Variants in ANKS1B observed in about 807,000 individuals in gnomAD.
The protein encoded by ANKS1B is ankyrin repeat and sterile alpha motif domain containing 1B.
In ANKS1B, 36 loss-of-function variants were observed where a neutral mutation model predicts 148.3. The observed-to-expected ratio is 0.24, with a 90% CI of 0.19 to 0.32. The LOEUF (loss-of-function observed/expected upper bound fraction) is 0.32, where lower values mean the gene tolerates loss of function less well. ANKS1B is among the 10% of genes least tolerant of loss of function. The pLI, the probability that ANKS1B is intolerant of heterozygous loss-of-function variation, is 1.00. For synonymous variants in ANKS1B, 542 were observed against 560.8 expected (o/e 0.97, Z 0.47); for missense variants, 1,157 against 1,542.6 (o/e 0.75, Z 4.19).
At chr12:98,893,576 G>A (rs2099757202) in intron 17 of ANKS1B, 1 of 152,142 alleles carries the variant, frequency 6.6e-6, no homozygotes, top group Non-Finnish European at 1.5e-5. Context: ...ACTATTTCCT[G>A]TAGTTTTCCC....
intron 1 of ANKS1B, among the ~76,000 whole-genome samples, chr12:99,972,366 T>C (rs926928040): frequency 6.6e-6 from 1 of 152,132 alleles, no homozygotes; most frequent in Non-Finnish European, 1.5e-5. Context: ...GAAAAGTTCA[T>C]GAAGGAAATG....
chr12:99,005,008 C>T (rs147229129), intron 17 of ANKS1B, among the ~76,000 whole-genome samples: 8 of 151,940 alleles, frequency 5.3e-5, no homozygotes, highest in Non-Finnish European at 1.0e-4. Flanking sequence ...GGAGAACATC[C>T]GGTGGGAGCA....
At chr12:99,690,066 T>G (rs1206664875) in intron 8 of ANKS1B, among the ~76,000 whole-genome samples, 1 of 152,156 alleles carries the variant, frequency 6.6e-6, no homozygotes, top group African/African-American at 2.4e-5. Context: ...AGCTGGCACT[T>G]TCTTCACAGG....
intron 1 of ANKS1B, among the ~76,000 whole-genome samples, chr12:99,843,032 T>C (rs1398623535): frequency 6.6e-6 from 1 of 152,170 alleles, no homozygotes; most frequent in East Asian, 1.9e-4. Flanking sequence ...ATGTGTTTTG[T>C]TGCTGTAGTT....
intron 9 of ANKS1B, chr12:99,648,630 G>T: frequency 1.2e-6 from 2 of 1,614,222 alleles, no homozygotes; most frequent in Non-Finnish European, 1.7e-6. Flanking sequence ...ATCTTCAGCT[G>T]TGTCCTCCAT....
At chr12:99,690,307 C>T (rs1158478389) in intron 8 of ANKS1B, among the ~76,000 whole-genome samples, 1 of 152,090 alleles carries the variant, frequency 6.6e-6, no homozygotes, top group East Asian at 1.9e-4. Context: ...CCCCTGGCCC[C>T]TCCCAAATCT....
intron 15 of ANKS1B, among the ~76,000 whole-genome samples, chr12:99,141,773 G>T: frequency 6.6e-6 from 1 of 151,874 alleles, no homozygotes; most frequent in Non-Finnish European, 1.5e-5. Flanking sequence ...ACCTTTTCAT[G>T]GCTGCATAGT....
intron 14 of ANKS1B, among the ~76,000 whole-genome samples, chr12:99,173,237 C>G (rs1157676568): frequency 6.6e-6 from 1 of 152,122 alleles, no homozygotes; most frequent in Non-Finnish European, 1.5e-5. Flanking sequence ...TATTTACCTT[C>G]TTGATAAAGT....
intron 8 of ANKS1B, among the ~76,000 whole-genome samples, chr12:99,756,479 A>T (rs754673548): frequency 6.6e-6 from 1 of 152,144 alleles, no homozygotes. Context: ...GGAAGAATCA[A>T]TATCGTGAAA....
chr12:99,307,298 C>G (rs2082487761), intron 12 of ANKS1B, among the ~76,000 whole-genome samples: 1 of 151,898 alleles, frequency 6.6e-6, no homozygotes, highest in African/African-American at 2.4e-5. Flanking sequence ...AAAATGTAGC[C>G]AGTATGCATA....
intron 9 of ANKS1B, among the ~76,000 whole-genome samples, chr12:99,572,973 CATT>C (rs2097476924): frequency 1.3e-5 from 2 of 151,908 alleles, no homozygotes; most frequent in South Asian, 2.1e-4. Flanking sequence ...TATCTTTATT[CATT>C]ATTATCATCT....
At chr12:99,759,887 T>C (rs1183191251) in intron 8 of ANKS1B, among the ~76,000 whole-genome samples, 3 of 151,900 alleles carry the variant, frequency 2.0e-5, no homozygotes, top group South Asian at 2.1e-4. Flanking sequence ...AGGAAAATTC[T>C]AACAGCTGAG....
intron 17 of ANKS1B, among the ~76,000 whole-genome samples, chr12:99,031,663 G>A (rs1433631249): frequency 1.3e-5 from 2 of 152,170 alleles, no homozygotes; most frequent in African/African-American, 4.8e-5. Context: ...AGCTGCCATA[G>A]CCACTCTGCA....
intron 22 of ANKS1B, 154 bp downstream of exon 22, chr12:98,798,780 C>A (rs1045426843): frequency 1.1e-5 from 6 of 527,050 alleles, no homozygotes; most frequent in Admixed American, 3.6e-5. Context: ...CAAGCATAAA[C>A]ATGCAGAAAG....
intron 17 of ANKS1B, among the ~76,000 whole-genome samples, chr12:98,882,711 T>G (rs910989571): frequency 4.0e-5 from 6 of 151,832 alleles, no homozygotes; most frequent in Non-Finnish European, 5.9e-5. Context: ...TGTAGAGATC[T>G]CTGCCTTGTT....
At chr12:98,870,562 GGGAGATGATGAGGAAA>G (rs1307499854) in intron 17 of ANKS1B, among the ~76,000 whole-genome samples, 1 of 152,206 alleles carries the variant, frequency 6.6e-6, no homozygotes, top group African/African-American at 2.4e-5. Context: ...GAGTCCAGCT[GGGAGATGATGAGGAAA>G]GCAGCTGAGC....
intron 9 of ANKS1B, among the ~76,000 whole-genome samples, chr12:99,598,814 G>A (rs567433955): frequency 6.6e-6 from 1 of 152,190 alleles, no homozygotes; most frequent in South Asian, 2.1e-4. Flanking sequence ...TATGGCTGCT[G>A]TAACAAAATA....
intron 17 of ANKS1B, among the ~76,000 whole-genome samples, chr12:98,872,460 G>A (rs1225673669): frequency 1.3e-5 from 2 of 152,136 alleles, no homozygotes; most frequent in African/African-American, 4.8e-5. Flanking sequence ...AATCACTTGA[G>A]TCCACGAGTT....
rs148654120 is a variant in ANKS1B, at chr12:99,584,912, G to C, written c.1272+70155C>G. On this transcript the variant is annotated intron_variant, in intron 9 of 26. Coordinates refer to ENST00000683438, the MANE Select transcript of ANKS1B (RefSeq NM_001352186.2). Reference sequence around the variant, plus strand: ...CCTCCCATGACACATGGGGATTATGGGAGCTACAATTCAAGATGAGATTTG... The same window carrying C: ...CCTCCCATGACACATGGGGATTATGCGAGCTACAATTCAAGATGAGATTTG... 7.5e-3 allele frequency among the ~76,000 whole-genome samples: 1,135 copies of C among 152,098 alleles called. 15 individuals carry two copies. The highest frequency in any genetic ancestry group is 0.026 in the African/African-American group (1,071 of 41,490).
Sources: gnomAD v4.1 joint callset for allele counts (sites outside exome capture counted in the v4.1 genomes callset) on GRCh38, gnomAD v4.1.1 for gene constraint, MANE v1.5 for transcripts, NCBI Gene and HGNC (gene_info 2026-07-23, HGNC 2026-07-21) for gene names.